TRIM2: variants seen among roughly 807,000 people sequenced by gnomAD.
TRIM2 encodes the protein tripartite motif-containing protein 2.
A neutral mutation model predicts 75.2 loss-of-function variants in TRIM2; 20 were observed. The ratio of observed to expected loss-of-function variants is 0.27; its 90% confidence interval spans 0.19 to 0.39. The LOEUF is 0.39. Ranked by LOEUF, TRIM2 falls within the 10% of genes least tolerant of loss-of-function variation. The pLI is 1.00. For missense variants in TRIM2, 660 were observed against 990.8 expected, an observed-to-expected ratio of 0.67 and a Z score of 4.48; for synonymous variants, 373 against 388.3, an observed-to-expected ratio of 0.96 and a Z score of 0.46.
At chr4:153,214,111 T>A (rs1737823468) in intron 1 of TRIM2, among the ~76,000 whole-genome samples, 1 of 152,222 alleles carries the variant, frequency 6.6e-6, no homozygotes, top group African/African-American at 2.4e-5. Flanking sequence ...GAAAGATTTT[T>A]AAAGTGAAAT....
chr4:153,291,817 G>A (rs1192229551), intron 3 of TRIM2, among the ~76,000 whole-genome samples: 1 of 152,096 alleles, frequency 6.6e-6, no homozygotes, highest in African/African-American at 2.4e-5. Context: ...CCAAAGCCAG[G>A]TGCCATCTGA....
intron 1 of TRIM2, among the ~76,000 whole-genome samples, chr4:153,267,979 A>G (rs1011805871): frequency 6.6e-6 from 1 of 152,170 alleles, no homozygotes; most frequent in Non-Finnish European, 1.5e-5. Flanking sequence ...CGGAGTTTTT[A>G]AAGATAATTT....
intron 8 of TRIM2, among the ~76,000 whole-genome samples, chr4:153,316,413 A>G (rs1052130061): frequency 7.9e-5 from 12 of 152,224 alleles, no homozygotes; most frequent in African/African-American, 2.9e-4. Context: ...ATGATATGGG[A>G]GAAACAGAAT....
chr4:153,240,853 C>T lies in TRIM2; in HGVS notation c.31-29482C>T, dbSNP rs143500507. Among the ~76,000 whole-genome samples the T allele has an allele frequency of 9.9e-3, 1,501 of 152,222 alleles. 21 individuals carry two copies. The highest frequency in any genetic ancestry group is 0.034 in the African/African-American group (1,429 of 41,540). On this transcript the variant is annotated intron_variant, in intron 1 of 11. Coordinates refer to ENST00000338700, the MANE Select transcript of TRIM2 (RefSeq NM_015271.5). ...CAGCACTTTGGGAGGCCGAAGCAGGCGGATCACAAGGTCTGGAGTTTGAGA... is the reference window on the plus strand; with the variant it reads ...CAGCACTTTGGGAGGCCGAAGCAGGTGGATCACAAGGTCTGGAGTTTGAGA...
intron 1 of TRIM2, among the ~76,000 whole-genome samples, chr4:153,155,380 A>G (rs1729137036): frequency 6.6e-6 from 1 of 152,190 alleles, no homozygotes; most frequent in African/African-American, 2.4e-5. Flanking sequence ...ATTGTTCTTA[A>G]TTTTGTCCAC....
intron 1 of TRIM2, among the ~76,000 whole-genome samples, chr4:153,228,161 A>T (rs748352431): frequency 8.5e-5 from 13 of 152,202 alleles, no homozygotes; most frequent in Admixed American, 3.3e-4. Flanking sequence ...GCTACTCTCT[A>T]TCCATAAACA....
chr4:153,301,036 C>G lies in TRIM2; in HGVS notation c.1510+5000C>G, dbSNP rs183905245. ...TGAAACCTCATCTCTACTGAAAATA[C>G]AAAAATTAGCCAGGTGTGGTGGCAA... On this transcript the variant is annotated intron_variant, in intron 6 of 11. Coordinates refer to ENST00000338700, the MANE Select transcript of TRIM2 (RefSeq NM_015271.5). Among the ~76,000 whole-genome samples, 12 of 152,032 alleles carry G rather than the reference C, an allele frequency of 7.9e-5. No homozygotes were observed. In the East Asian group the frequency reaches 2.3e-3, roughly 29 times the overall value.
At chr4:153,166,110 C>CT (rs200183348) in intron 1 of TRIM2, among the ~76,000 whole-genome samples, 16 of 151,480 alleles carry the variant, frequency 1.1e-4, no homozygotes, top group South Asian at 2.1e-4. Flanking sequence ...ACTCCTTGTT[C>CT]TTTTTTAAAA....
At chr4:153,267,019 A>G (rs1252265392) in intron 1 of TRIM2, 1 of 151,540 alleles carries the variant, frequency 6.6e-6, no homozygotes, top group East Asian at 1.9e-4. Context: ...CCAGCAGCCG[A>G]ATTTTCCTAA....
At chr4:153,272,605 A>G (rs1756979831) in intron 2 of TRIM2, among the ~76,000 whole-genome samples, 1 of 151,774 alleles carries the variant, frequency 6.6e-6, no homozygotes, top group African/African-American at 2.4e-5. Context: ...TCCCACCTCA[A>G]CTTCTTGAGT....
chr4:153,230,929 C>T (rs979984794), intron 1 of TRIM2, among the ~76,000 whole-genome samples: 3 of 152,206 alleles, frequency 2.0e-5, no homozygotes, highest in African/African-American at 7.2e-5. Context: ...TTAAAAATCA[C>T]TTTCACAGAA....
At chr4:153,236,674 TTTTCTTTTCTTTTTCC>T (rs1360236355) in intron 1 of TRIM2, among the ~76,000 whole-genome samples, 1 of 151,314 alleles carries the variant, frequency 6.6e-6, no homozygotes, top group African/African-American at 2.4e-5. Context: ...TTTTCTTTTC[TTTTCTTTTCTTTTTCC>T]TTTCTTTTCT....
chr4:153,203,429 ACACG>A (rs541053998), upstream of TRIM2, among the ~76,000 whole-genome samples: 898 of 150,276 alleles, frequency 6.0e-3, 9 homozygotes, highest in South Asian at 0.024. Flanking sequence ...ACACACACAC[ACACG>A]AAGAAGAACA....
At chr4:153,181,005 G>C (rs996942654) in intron 1 of TRIM2, among the ~76,000 whole-genome samples, 1 of 152,206 alleles carries the variant, frequency 6.6e-6, no homozygotes, top group African/African-American at 2.4e-5. Context: ...GCAGGGGTTG[G>C]TGAGCCCACC....
At chr4:153,307,417 A>G (rs1379293011) in intron 6 of TRIM2, among the ~76,000 whole-genome samples, 1 of 152,010 alleles carries the variant, frequency 6.6e-6, no homozygotes, top group Non-Finnish European at 1.5e-5. Flanking sequence ...ATCGCTTAGC[A>G]TGAATTCAGA....
Position 153,336,030 on chromosome 4 carries a change from G to A in TRIM2, c.*1064G>A. The A allele has an allele frequency of 2.0e-6, 2 of 985,742 alleles. No homozygotes were observed. Among genetic ancestry groups the A allele is most frequent in the Non-Finnish European group, 2.4e-6 (2 of 829,906 alleles). The allele number at this position is 985,742 out of a possible 1,614,324, so 61.1% of individuals were successfully genotyped here. A position where few individuals can be genotyped will look rare whatever the true frequency, so the allele number is the denominator to read the frequency against. On this transcript the variant is annotated 3_prime_UTR_variant, in exon 12 of 12. Transcript: ENST00000338700. ...TATCTTGAAAGCATTACAGGTAAGG[G>A]CATGTTATGGTTATTTATCATTGTT...
At chr4:153,276,524 A>G (rs1057250313) in intron 3 of TRIM2, among the ~76,000 whole-genome samples, 2 of 152,232 alleles carry the variant, frequency 1.3e-5, no homozygotes, top group Non-Finnish European at 2.9e-5. Context: ...AAATTTTCTC[A>G]TGCTACATTA....
At position 153,170,745 on chromosome 4, in the gene TRIM2, G is replaced by A. The variant is rs1276049003; in HGVS notation, c.-49+17475G>A. On this transcript the variant is annotated intron_variant, in intron 1 of 11. Coordinates refer to the TRIM2 transcript ENST00000437508. Reference sequence around the variant, plus strand: ...AACCCTATGCCAGGGAGCTCAGCCAGGGGGTAAAAACAGCTGTCCCTTTGC... The same window carrying A: ...AACCCTATGCCAGGGAGCTCAGCCAAGGGGTAAAAACAGCTGTCCCTTTGC... Among the ~76,000 whole-genome samples the A allele has an allele frequency of 9.9e-5, 15 of 152,234 alleles. No individual in the cohort carries two copies. In the South Asian group the frequency reaches 3.1e-3, roughly 32 times the overall value.
chr4:153,251,412 C>T (rs1750848658), intron 1 of TRIM2, among the ~76,000 whole-genome samples: 2 of 152,240 alleles, frequency 1.3e-5, no homozygotes, highest in Non-Finnish European at 2.9e-5. Flanking sequence ...TCTCCAGTTG[C>T]TCATGACTGA....
Sources: gnomAD v4.1 joint callset for allele counts (sites outside exome capture counted in the v4.1 genomes callset) on GRCh38, gnomAD v4.1.1 for gene constraint, MANE v1.5 for transcripts, NCBI Gene and HGNC (gene_info 2026-07-23, HGNC 2026-07-21) for gene names.